Variants in AIG1 observed in about 807,000 individuals in gnomAD.
The protein encoded by AIG1 is androgen-induced gene 1 protein.
A neutral mutation model predicts 31.4 loss-of-function variants in AIG1; 23 were observed. The observed-to-expected ratio is 0.73, with a 90% CI of 0.53 to 1.04. The LOEUF (loss-of-function observed/expected upper bound fraction) is 1.04, where lower values mean the gene tolerates loss of function less well. Ranked by LOEUF, AIG1 falls within the 50% of genes least tolerant of loss-of-function variation. AIG1 has a pLI of 0.00. For synonymous variants in AIG1, 100 were observed against 110.5 expected, an observed-to-expected ratio of 0.90 and a Z score of 0.60; for missense variants, 274 against 295.0, an observed-to-expected ratio of 0.93 and a Z score of 0.52.
In AIG1 at chr6:143,251,439, A is replaced by G. The variant is rs928974945; in HGVS notation, c.400-32671A>G. ...ACATACTTTCTTAACTGACCCATGG[A>G]AGTCTCCAGAGCTCTTATCTTGAAA... On this transcript the variant is annotated intron_variant, in intron 3 of 5. Coordinates refer to ENST00000357847, the MANE Select transcript of AIG1 (RefSeq NM_016108.4). Among the ~76,000 whole-genome samples, 3 of 152,168 alleles carry G rather than the reference A, an allele frequency of 2.0e-5. No homozygotes were observed. In the South Asian group the frequency reaches 6.2e-4, roughly 32 times the overall value.
chr6:143,072,092 C>T (rs111892161), intron 1 of AIG1, among the ~76,000 whole-genome samples: 1,828 of 152,128 alleles, frequency 0.012, 30 homozygotes, highest in African/African-American at 0.035. Flanking sequence ...ATGCCTGGCT[C>T]ATTGTGGTTT....
intron 1 of AIG1, among the ~76,000 whole-genome samples, chr6:143,093,481 T>C (rs564721316): frequency 1.3e-4 from 20 of 152,336 alleles, no homozygotes; most frequent in African/African-American, 3.6e-4. Flanking sequence ...TCACTCAAAC[T>C]TTCTCCGTGT....
chr6:143,259,836 A>G (rs958759880), intron 3 of AIG1, among the ~76,000 whole-genome samples: 1 of 152,146 alleles, frequency 6.6e-6, no homozygotes, highest in East Asian at 1.9e-4. Context: ...GCGGGGCACA[A>G]TAGCTGATCA....
At position 143,232,359 on chromosome 6, in the gene AIG1, C is replaced by A. The variant is rs191106578; in HGVS notation, c.400-51751C>A. ...ACAGAAAGTCTGGCATGTGGACACC[C>A]TGAGGCTCAGGCGGAGCAGCCCATG... On this transcript the variant is annotated intron_variant, in intron 3 of 5. Coordinates refer to ENST00000357847, the MANE Select transcript of AIG1 (RefSeq NM_016108.4). 2.6e-4 allele frequency among the ~76,000 whole-genome samples: 40 copies of A among 152,256 alleles called. No homozygotes were observed. In the East Asian group the frequency reaches 3.9e-3, roughly 15 times the overall value.
intron 1 of AIG1, among the ~76,000 whole-genome samples, chr6:143,076,342 C>T (rs888646158): frequency 2.6e-5 from 4 of 152,052 alleles, no homozygotes; most frequent in African/African-American, 9.7e-5. Flanking sequence ...AAATATTTTC[C>T]TTGCTCTAAA....
chr6:143,131,442 G>A (rs1288125807), intron 1 of AIG1, among the ~76,000 whole-genome samples: 1 of 152,186 alleles, frequency 6.6e-6, no homozygotes, highest in African/African-American at 2.4e-5. Flanking sequence ...ACACTATCCA[G>A]GTGGGCTTGA....
intron 1 of AIG1, among the ~76,000 whole-genome samples, chr6:143,120,229 C>G (rs2128499610): frequency 6.6e-6 from 1 of 152,286 alleles, no homozygotes. Flanking sequence ...CCACCACACC[C>G]AGCCCAATAT....
chr6:143,061,308 G>A (rs1776236210), intron 1 of AIG1: 1 of 639,712 alleles, frequency 1.6e-6, no homozygotes, highest in Non-Finnish European at 3.0e-6. Flanking sequence ...GGCAACTGGG[G>A]GACAAATGGA....
At chr6:143,261,218 G>T (rs896794867) in intron 3 of AIG1, among the ~76,000 whole-genome samples, 3 of 152,066 alleles carry the variant, frequency 2.0e-5, no homozygotes, top group Non-Finnish European at 4.4e-5. Flanking sequence ...TGCAATCTCC[G>T]CCTCCCGGGT....
intron 2 of AIG1, among the ~76,000 whole-genome samples, chr6:143,151,651 CCTT>C (rs1465098244): frequency 6.6e-6 from 1 of 152,146 alleles, no homozygotes; most frequent in African/African-American, 2.4e-5. Flanking sequence ...TTGAGATAAT[CCTT>C]CTCTCAGTAA....
At chr6:143,175,982 T>G (rs1033117192) in intron 3 of AIG1, among the ~76,000 whole-genome samples, 14 of 152,198 alleles carry the variant, frequency 9.2e-5, no homozygotes, top group African/African-American at 3.4e-4. Context: ...TTCAGATTCT[T>G]TGGTCCCTCA....
intron 1 of AIG1, among the ~76,000 whole-genome samples, chr6:143,083,058 G>A (rs1014134038): frequency 6.6e-6 from 1 of 152,232 alleles, no homozygotes; most frequent in African/African-American, 2.4e-5. Context: ...AGGGTTTTGG[G>A]ATGAGGATAA....
intron 1 of AIG1, among the ~76,000 whole-genome samples, chr6:143,130,592 G>T (rs1783135876): frequency 6.6e-6 from 1 of 151,992 alleles, no homozygotes; most frequent in Non-Finnish European, 1.5e-5. Context: ...GGTGGTGCGT[G>T]CCTGTAATCC....
intron 1 of AIG1, among the ~76,000 whole-genome samples, chr6:143,105,762 T>G (rs1181167960): frequency 6.6e-6 from 1 of 152,246 alleles, no homozygotes; most frequent in Non-Finnish European, 1.5e-5. Context: ...ACAGCTGTCA[T>G]ATGCATTCAG....
chr6:143,233,044 C>T (rs1248571668), intron 3 of AIG1, among the ~76,000 whole-genome samples: 1 of 152,126 alleles, frequency 6.6e-6, no homozygotes, highest in Non-Finnish European at 1.5e-5. Flanking sequence ...GCTTGGAGGC[C>T]ACCACCAGAG....
intron 3 of AIG1, among the ~76,000 whole-genome samples, chr6:143,224,308 G>A (rs1157647227): frequency 2.0e-5 from 3 of 151,932 alleles, no homozygotes; most frequent in Non-Finnish European, 4.4e-5. Flanking sequence ...CCTTTAATGG[G>A]CATTTCCCAC....
In AIG1 at chr6:143,079,387, A is replaced by G. The variant is rs57453240; in HGVS notation, c.141+18321A>G. Among the ~76,000 whole-genome samples, 376 of 152,276 alleles carry G rather than the reference A, an allele frequency of 2.5e-3. 2 individuals are homozygous for G. The highest frequency in any genetic ancestry group is 8.7e-3 in the African/African-American group (362 of 41,558). On this transcript the variant is annotated intron_variant, in intron 1 of 5. Transcript: ENST00000357847. ...CACTCAGGTCAAATAAGGGGAAGAA[A>G]GGAGAGTAAAAATCCACAAACTGTA... is the stretch of plus-strand genomic sequence containing the variant.
chr6:143,264,120 G>T (rs926585072), intron 3 of AIG1, among the ~76,000 whole-genome samples: 5 of 152,132 alleles, frequency 3.3e-5, no homozygotes, highest in African/African-American at 4.8e-5. Flanking sequence ...ATGTGTAAAT[G>T]GTTTTTAACT....
intron 4 of AIG1, among the ~76,000 whole-genome samples, chr6:143,306,926 C>T (rs1423948399): frequency 6.6e-6 from 1 of 152,164 alleles, no homozygotes; most frequent in Admixed American, 6.5e-5. Context: ...CTCCAAACTT[C>T]CCTTCTCGCT....
Sources: allele counts gnomAD v4.1 joint callset (sites outside exome capture counted in the v4.1 genomes callset), GRCh38; gene constraint gnomAD v4.1.1; transcripts MANE v1.5; gene names NCBI Gene and HGNC (gene_info 2026-07-23, HGNC 2026-07-21).